The following GNG7 variants were observed in gnomAD, a reference collection of about 807,000 sequenced individuals.
The protein encoded by GNG7 is guanine nucleotide-binding protein G(I)/G(S)/G(O) subunit gamma-7.
GNG7 carries 1 observed loss-of-function variant against 4.0 expected under a neutral mutation model. That is an observed-to-expected ratio of 0.25 (90% confidence interval 0.09 to 1.18). GNG7 has a LOEUF of 1.18. Ranked by LOEUF, GNG7 falls within the 50% of genes most tolerant of loss-of-function variation. The pLI, the probability that GNG7 is intolerant of heterozygous loss-of-function variation, is 0.50. For missense variants in GNG7, 86 were observed against 91.9 expected (o/e 0.94, Z 0.26); for synonymous variants, 34 against 36.9 (o/e 0.92, Z 0.29).
chr19:2,696,292 G>GAGAAAGAA (rs796306243), intron 1 of GNG7, among the ~76,000 whole-genome samples: 11,374 of 108,432 alleles, frequency 0.1, 683 homozygotes, highest in Non-Finnish European at 0.12. Context: ...AAGAGAGAGA[G>GAGAAAGAA]AGAAAGAAAG....
At chr19:2,558,803 TTTA>T (rs777306152) in intron 2 of GNG7, among the ~76,000 whole-genome samples, 103 of 152,006 alleles carry the variant, frequency 6.8e-4, no homozygotes, top group Non-Finnish European at 1.3e-3. Context: ...TTTTTATTTA[TTTA>T]TTATTTTTTT....
rs796899840 is a variant in GNG7, at chr19:2,633,487, G to GCACACACACA, written c.-78+12727_-78+12736dup. On this transcript the variant is annotated intron_variant, in intron 2 of 4. Coordinates refer to ENST00000382159, the MANE Select transcript of GNG7 (RefSeq NM_052847.3). The surrounding 1 kb of genome is among the most constrained non-coding windows in gnomAD (Gnocchi z 5.9). ...TAGCAACAGGCGCGCGCGCGCGCGC[G>GCACACACACA]CACACACACACACACACACACACAC... 1.8e-3 allele frequency among the ~76,000 whole-genome samples: 183 copies of GCACACACACA among 103,792 alleles called. No homozygotes were observed. The highest frequency in any genetic ancestry group is 0.014 in the Middle Eastern group (3 of 222). 68.1% of individuals were successfully genotyped at this position (103,792 alleles called of 152,430 possible). A position where few individuals can be genotyped will look rare whatever the true frequency, so the allele number is the denominator to read the frequency against.
At chr19:2,537,151 G>A (rs1483312350) in intron 3 of GNG7, among the ~76,000 whole-genome samples, 1 of 150,682 alleles carries the variant, frequency 6.6e-6, no homozygotes, top group East Asian at 2.0e-4. Context: ...GGGTTTCACC[G>A]TGTTAGCCAG....
intron 3 of GNG7, among the ~76,000 whole-genome samples, chr19:2,534,636 G>C (rs917166551): frequency 6.6e-6 from 1 of 152,238 alleles, no homozygotes; most frequent in African/African-American, 2.4e-5. Flanking sequence ...AAGACCCAGA[G>C]AAGGTAGATG....
chr19:2,511,794 C>T lies in GNG7; in HGVS notation c.*3228G>A, dbSNP rs555977076. The T allele has an allele frequency of 2.5e-4, 250 of 986,204 alleles. 4 individuals are homozygous for T. In the African/African-American group the frequency reaches 3.9e-3, roughly 15 times the overall value. The allele number at this position is 986,204 out of a possible 1,614,324, so 61.1% of individuals were successfully genotyped here. On this transcript the variant is annotated 3_prime_UTR_variant, in exon 5 of 5. Coordinates refer to ENST00000382159, the MANE Select transcript of GNG7 (RefSeq NM_052847.3). The surrounding 1 kb of genome is among the most constrained non-coding windows in gnomAD (Gnocchi z 6.3). ...TGGCCCAGCCGCCCCGTTTATGTCCCCAGAGGCCAGAGGTCGCAGCTGAGC... is the reference window on the plus strand; with the variant it reads ...TGGCCCAGCCGCCCCGTTTATGTCCTCAGAGGCCAGAGGTCGCAGCTGAGC...
chr19:2,670,762 C>G (rs1254585415), intron 1 of GNG7, among the ~76,000 whole-genome samples: 3 of 150,270 alleles, frequency 2.0e-5, no homozygotes, highest in Non-Finnish European at 4.5e-5. Flanking sequence ...CCCCGCCCCC[C>G]ACAAGTTGTG....
intron 2 of GNG7, among the ~76,000 whole-genome samples, chr19:2,605,602 C>T (rs1981355676): frequency 6.8e-6 from 1 of 146,950 alleles, no homozygotes; most frequent in Admixed American, 7.0e-5. Context: ...CAACCTCTGC[C>T]TCCTCAGCTG....
chr19:2,649,867 C>T (rs903436653), intron 1 of GNG7, among the ~76,000 whole-genome samples: 2 of 152,120 alleles, frequency 1.3e-5, no homozygotes, highest in African/African-American at 4.8e-5. Context: ...CATCAGCCCC[C>T]GATCCCCAGC....
intron 1 of GNG7, among the ~76,000 whole-genome samples, chr19:2,678,194 A>C (rs2144896030): frequency 6.6e-6 from 1 of 152,264 alleles, no homozygotes; most frequent in Non-Finnish European, 1.5e-5. Flanking sequence ...CTGTCACAGC[A>C]AGAAACAAGA....
chr19:2,541,500 C>T (rs576941763), intron 3 of GNG7, among the ~76,000 whole-genome samples: 2 of 151,794 alleles, frequency 1.3e-5, no homozygotes, highest in East Asian at 3.9e-4. Flanking sequence ...GTTGGGAGGC[C>T]GAGGTGGGTG....
At chr19:2,669,307 T>C (rs928584905) in intron 1 of GNG7, among the ~76,000 whole-genome samples, 3 of 151,848 alleles carry the variant, frequency 2.0e-5, no homozygotes, top group Non-Finnish European at 2.9e-5. Flanking sequence ...CTGACCAACA[T>C]GGTGAAACCC....
At position 2,543,965 on chromosome 19, in the gene GNG7, C is replaced by T. The variant is rs1390248877; in HGVS notation, c.-38+11184G>A. ...TCGCAGAGCTCCTGGACTCTTTCCT[C>T]CTGGGGGTCTGGCAATCCCCCACCT... On this transcript the variant is annotated intron_variant, in intron 3 of 4. Coordinates refer to ENST00000382159, the MANE Select transcript of GNG7 (RefSeq NM_052847.3). 2.0e-5 allele frequency among the ~76,000 whole-genome samples: 3 copies of T among 152,282 alleles called. No individual in the cohort carries two copies. The South Asian group carries it at 6.2e-4, about 32-fold the overall frequency.
chr19:2,689,612 G>C (rs1322540853), intron 1 of GNG7, among the ~76,000 whole-genome samples: 1 of 102,928 alleles, frequency 9.7e-6, no homozygotes, highest in African/African-American at 4.0e-5. Context: ...TACAGAGTGA[G>C]ACTCCAACTC....
At chr19:2,521,331 GA>G (rs1978307496) in intron 3 of GNG7, among the ~76,000 whole-genome samples, 2 of 152,150 alleles carry the variant, frequency 1.3e-5, no homozygotes, top group South Asian at 4.1e-4. Context: ...CTGGAGAAGG[GA>G]GGACCCACGC....
intron 2 of GNG7, among the ~76,000 whole-genome samples, chr19:2,555,445 T>C (rs1979513820): frequency 6.6e-6 from 1 of 152,108 alleles, no homozygotes; most frequent in African/African-American, 2.4e-5. Flanking sequence ...TCCAGAAACT[T>C]GTGTTATTCC....
chr19:2,587,948 G>C (rs1245329209), intron 2 of GNG7, among the ~76,000 whole-genome samples: 1 of 151,690 alleles, frequency 6.6e-6, no homozygotes, highest in African/African-American at 2.4e-5. Context: ...AAAAGAAAAA[G>C]AAAGAAAGAA....
At position 2,512,329 on chromosome 19, in the gene GNG7, G is replaced by A. The variant is rs1246668582; in HGVS notation, c.*2693C>T. ...CACGTCTGCAAAGGTATTTTCCACA[G>A]TGTGGTCACTGAAGTCTACTCAAGA... On this transcript the variant is annotated 3_prime_UTR_variant, in exon 5 of 5. Transcript: ENST00000382159. The surrounding 1 kb of genome is among the most constrained non-coding windows in gnomAD (Gnocchi z 4.7). The A allele has an allele frequency of 3.1e-5, 31 of 985,592 alleles. No individual in the cohort carries two copies. Among genetic ancestry groups the A allele is most frequent in the Non-Finnish European group, 3.4e-5 (28 of 829,914 alleles). The allele number at this position is 985,592 out of a possible 1,614,324, so 61.1% of individuals were successfully genotyped here.
rs1972654227 is a variant in GNG7, at chr19:2,511,436, T to C, written c.*3586A>G. 6.6e-6 allele frequency: 1 copy of C among 152,384 alleles called. No individual in the cohort carries two copies. Among genetic ancestry groups the C allele is most frequent in the Admixed American group, 6.5e-5 (1 of 15,276 alleles). The allele number at this position is 152,384 out of a possible 1,614,324, so 9.4% of individuals were successfully genotyped here. A position where few individuals can be genotyped will look rare whatever the true frequency, so the allele number is the denominator to read the frequency against. ...GAGACAGGTCTTTACGAAGGTTAGATGGGCAGCGGTTCCGTGGACAGAGGA... is the reference window on the plus strand; with the variant it reads ...GAGACAGGTCTTTACGAAGGTTAGACGGGCAGCGGTTCCGTGGACAGAGGA... On this transcript the variant is annotated 3_prime_UTR_variant, in exon 5 of 5. Transcript: ENST00000382159. This position sits in a 1 kb window ranked among gnomAD's most constrained non-coding sequence, Gnocchi z 6.3.
intron 3 of GNG7, among the ~76,000 whole-genome samples, chr19:2,533,056 G>A (rs1021100620): frequency 3.9e-5 from 6 of 151,978 alleles, no homozygotes; most frequent in East Asian, 1.9e-4. Context: ...GCCTGTCAAC[G>A]AGAGAATAAA....
Sources: allele counts gnomAD v4.1 joint callset (sites outside exome capture counted in the v4.1 genomes callset), GRCh38; gene constraint gnomAD v4.1.1; non-coding constraint Gnocchi (gnomAD v3.1); transcripts MANE v1.5; gene names NCBI Gene and HGNC (gene_info 2026-07-23, HGNC 2026-07-21).